The following PPP1R3B variants were observed in gnomAD, a reference collection of about 807,000 sequenced individuals.
The protein encoded by PPP1R3B is PP1 subunit R4.
In PPP1R3B, 8 loss-of-function variants were observed where a neutral mutation model predicts 14.6. That is an observed-to-expected ratio of 0.55 (90% CI 0.32 to 0.99). The LOEUF is 0.99. Ranked by LOEUF, PPP1R3B falls within the 50% of genes least tolerant of loss-of-function variation. PPP1R3B has a pLI of 0.04. For synonymous variants in PPP1R3B, 169 were observed against 142.0 expected (o/e 1.19, Z -1.35); for missense variants, 452 against 360.1 (o/e 1.26, Z -2.07).
At position 9,141,632 on chromosome 8, in the gene PPP1R3B, T is replaced by C. The variant is rs755790927; in HGVS notation, c.20A>G (p.Glu7Gly). The change falls in exon 2 of 2, where the codon GAG (glutamate) becomes GGG (glycine). Residue 7 changes from glutamate (E) to glycine (G), a missense_variant. Coordinates refer to ENST00000310455, the MANE Select transcript of PPP1R3B (RefSeq NM_024607.4). The part of the protein sequence containing the change: MMAVDI[E>G]YRYNCMAPSL... ...AGGAGCCATGCAGTTGTATCTGTAC[T>C]CGATGTCCACAGCCATCATGGGGCT... 6.2e-7 allele frequency: 1 copy of C among 1,613,584 alleles called. No homozygotes were observed. The highest frequency in any genetic ancestry group is 1.1e-5 in the South Asian group (1 of 91,064).
chr8:9,141,001 A>G lies in PPP1R3B; in HGVS notation c.651T>C (p.Asn217=), dbSNP rs1801061173. The G allele has an allele frequency of 1.9e-6, 3 of 1,614,054 alleles. No homozygotes were observed. Among genetic ancestry groups the G allele is most frequent in the African/African-American group, 2.7e-5 (2 of 75,000 alleles). Residue 217 remains asparagine (N), a synonymous_variant, in exon 2 of 2, where the codon AAT becomes AAC. Coordinates refer to ENST00000310455, the MANE Select transcript of PPP1R3B (RefSeq NM_024607.4). ...RMEFAVYYEC[N]GQTYWDSNRG... ...TGTTGCTGTCCCAGTACGTCTGTCCATTGCACTCGTAGTACACAGCAAACT... is the reference window on the plus strand; with the variant it reads ...TGTTGCTGTCCCAGTACGTCTGTCCGTTGCACTCGTAGTACACAGCAAACT...
upstream of PPP1R3B, chr8:9,151,290 C>G (rs369396699): frequency 2.8e-4 from 43 of 153,460 alleles, no homozygotes; most frequent in African/African-American, 1.0e-3. Context: ...CGCTGCACGC[C>G]CTCGCCTTGT....
At position 9,137,752 on chromosome 8, in the gene PPP1R3B, C is replaced by A. The variant is rs567831805; in HGVS notation, c.*3042G>T. 6.6e-6 allele frequency: 1 copy of A among 152,318 alleles called. No homozygotes were observed. The highest frequency in any genetic ancestry group is 2.1e-4 in the South Asian group (1 of 4,818). 9.4% of individuals were successfully genotyped at this position (152,318 alleles called of 1,614,324 possible). On this transcript the variant is annotated 3_prime_UTR_variant, in exon 2 of 2. Transcript: ENST00000310455. ...ATGAGGAAACTCAGGCAAGTAGAGT[C>A]TTTTATTGGAGAAGAAGGGTCTTTG...
At chr8:9,149,387 C>T (rs888503614) in intron 1 of PPP1R3B, among the ~76,000 whole-genome samples, 3 of 151,588 alleles carry the variant, frequency 2.0e-5, no homozygotes, top group African/African-American at 7.3e-5. Flanking sequence ...CCTGTAGTCC[C>T]AGCTACTCAG....
In PPP1R3B at chr8:9,140,454, T is replaced by G; in HGVS notation, c.*340A>C. ...TGGCGACTGATGTCCCACATCTGAG[T>G]GGAGAGCAGAGGAGAGACTCCTCCA... On this transcript the variant is annotated 3_prime_UTR_variant, in exon 2 of 2. Transcript: ENST00000310455. 1 of 294,492 alleles carries G rather than the reference T, an allele frequency of 3.4e-6. No homozygotes were observed. The allele number at this position is 294,492 out of a possible 1,614,324, so 18.2% of individuals were successfully genotyped here. A position where few individuals can be genotyped will look rare whatever the true frequency, so the allele number is the denominator to read the frequency against.
chr8:9,149,310 C>T (rs564558130), intron 1 of PPP1R3B, among the ~76,000 whole-genome samples: 329 of 150,534 alleles, frequency 2.2e-3, no homozygotes, highest in Non-Finnish European at 4.3e-3. Flanking sequence ...ACCATCCTGG[C>T]TAACACGGTG....
At chr8:9,147,702 C>A (rs959158509) in intron 1 of PPP1R3B, among the ~76,000 whole-genome samples, 48 of 151,702 alleles carry the variant, frequency 3.2e-4, no homozygotes, top group African/African-American at 1.1e-3. Context: ...AAATTTGTCC[C>A]TGAGATCCCT....
rs1341511066 is a variant in PPP1R3B at position 9,139,469 on chromosome 8, C to T, written c.*1325G>A. 2 of 152,152 alleles carry T rather than the reference C, an allele frequency of 1.3e-5. No individual in the cohort carries two copies. Among genetic ancestry groups the T allele is most frequent in the African/African-American group, 2.4e-5 (1 of 41,434 alleles). The allele number at this position is 152,152 out of a possible 1,614,324, so 9.4% of individuals were successfully genotyped here. On this transcript the variant is annotated 3_prime_UTR_variant, in exon 2 of 2. Coordinates refer to ENST00000310455, the MANE Select transcript of PPP1R3B (RefSeq NM_024607.4). ...CGATAAAACCATTTTCTGAAGGTTT[C>T]GAGGAGATATTGGATATGCAAATCA...
At chr8:9,148,855 T>A (rs1418081008) in intron 1 of PPP1R3B, among the ~76,000 whole-genome samples, 1 of 152,182 alleles carries the variant, frequency 6.6e-6, no homozygotes, top group African/African-American at 2.4e-5. Flanking sequence ...CATTATCCCC[T>A]CCATTCTCTT....
chr8:9,148,749 T>C (rs1289431353), intron 1 of PPP1R3B, among the ~76,000 whole-genome samples: 1 of 152,110 alleles, frequency 6.6e-6, no homozygotes, highest in Non-Finnish European at 1.5e-5. Flanking sequence ...GCACAGAAAA[T>C]AACCCTATGA....
upstream of PPP1R3B, among the ~76,000 whole-genome samples, chr8:9,151,048 TA>T (rs1801414143): frequency 1.3e-5 from 2 of 151,960 alleles, no homozygotes; most frequent in Non-Finnish European, 2.9e-5. Flanking sequence ...CAACAGGTGG[TA>T]AAGGGATCAG....
chr8:9,141,303 G>C lies in PPP1R3B; in HGVS notation c.349C>G (p.Pro117Ala). Residue 117 changes from proline (P) to alanine (A), a missense_variant, in exon 2 of 2, where the codon CCC becomes GCC. Pro to Ala is a conservative substitution (Grantham distance 27). Transcript: ENST00000310455. ...SESFVLDFSQPSADYLDFRNR... is the reference protein window; with the variant it reads ...SESFVLDFSQASADYLDFRNR... The stretch of plus-strand genomic sequence containing the variant: ...CTAAAGTCTAAGTAATCTGCAGAGG[G>C]CTGGGAAAAATCCAGAACAAAGCTC... 1 of 1,614,144 alleles carries C rather than the reference G, an allele frequency of 6.2e-7. No homozygotes were observed. Among genetic ancestry groups the C allele is most frequent in the Non-Finnish European group, 8.5e-7 (1 of 1,180,030 alleles).
At chr8:9,147,196 G>A (rs775991624) in intron 1 of PPP1R3B, among the ~76,000 whole-genome samples, 7 of 151,984 alleles carry the variant, frequency 4.6e-5, no homozygotes, top group Admixed American at 6.5e-5. Flanking sequence ...TAGTAGAGAC[G>A]GGGTTTCACC....
chr8:9,141,422 T>C lies in PPP1R3B; in HGVS notation c.230A>G (p.Lys77Arg). ...CGGGTCATCGAATTCCGAGAACACT[T>C]TGACCATTGTCAGGGCCAGCCCCTG... The part of the protein sequence containing the change: ...DNQGLALTMV[K>R]VFSEFDDPLD... Residue 77 changes from lysine to arginine, a missense_variant, in exon 2 of 2, where the codon AAA becomes AGA. Coordinates refer to ENST00000310455, the MANE Select transcript of PPP1R3B (RefSeq NM_024607.4). 3 of 1,614,178 alleles carry C rather than the reference T, an allele frequency of 1.9e-6. No individual in the cohort carries two copies. The highest frequency in any genetic ancestry group is 2.5e-6 in the Non-Finnish European group (3 of 1,180,030).
intron 1 of PPP1R3B, among the ~76,000 whole-genome samples, chr8:9,144,743 T>G (rs774592178): frequency 6.6e-5 from 10 of 152,278 alleles, no homozygotes; most frequent in African/African-American, 2.4e-4. Flanking sequence ...ATTTTTACTG[T>G]TGTTATTTTT....
rs1346301798 is a variant in PPP1R3B, at chr8:9,140,765, G to A, written c.*29C>T. ...AGCAGAGCTAGGCTTGTCTGTGGCA[G>A]CTCCGCCACGCCCTGTCACCTGCAG... On this transcript the variant is annotated 3_prime_UTR_variant, in exon 2 of 2. Transcript: ENST00000310455. 5 of 1,606,640 alleles carry A rather than the reference G, an allele frequency of 3.1e-6. No homozygotes were observed. The highest frequency in any genetic ancestry group is 1.7e-4 in the Middle Eastern group (1 of 5,982).
intron 1 of PPP1R3B, among the ~76,000 whole-genome samples, chr8:9,143,297 C>A (rs576209794): frequency 6.6e-6 from 1 of 152,114 alleles, no homozygotes; most frequent in African/African-American, 2.4e-5. Flanking sequence ...TTGGGTGTTT[C>A]CTATATGGCA....
rs900521654 is a variant in PPP1R3B, at chr8:9,141,713, A to G, written c.-17-45T>C. 40 of 1,554,308 alleles carry G rather than the reference A, an allele frequency of 2.6e-5. No individual in the cohort carries two copies. In the African/African-American group the frequency reaches 4.9e-4, roughly 19 times the overall value. ...AGAGAAGAAAGAAAACAGTGGAGCA[A>G]TCAGATCAGACAGATGTGTAAAGGC... is the stretch of plus-strand genomic sequence containing the variant. On this transcript the variant is annotated intron_variant, in intron 1 of 1. Transcript: ENST00000310455.
At chr8:9,149,634 T>C (rs1271851750) in intron 1 of PPP1R3B, among the ~76,000 whole-genome samples, 1 of 152,248 alleles carries the variant, frequency 6.6e-6, no homozygotes, top group Non-Finnish European at 1.5e-5. Context: ...TTTAAAGACA[T>C]GGCCATCTAC....
Sources: gnomAD v4.1 joint callset for allele counts (sites outside exome capture counted in the v4.1 genomes callset) on GRCh38, gnomAD v4.1.1 for gene constraint, MANE v1.5 for transcripts, NCBI Gene and HGNC (gene_info 2026-07-23, HGNC 2026-07-21) for gene names.